Variants in SOX4 observed in about 807,000 individuals in gnomAD.
The protein encoded by SOX4 is transcription factor SOX-4.
For synonymous variants in SOX4, 465 were observed against 348.4 expected, an observed-to-expected ratio of 1.33 and a Z score of -3.73; for missense variants, 662 against 694.9, an observed-to-expected ratio of 0.95 and a Z score of 0.53.
Position 21,593,936 on chromosome 6 carries a change from T to TA in SOX4, c.-599_-598insA, listed in dbSNP as rs1763078569. The TA allele has an allele frequency of 6.6e-6, 1 of 151,904 alleles. No individual in the cohort carries two copies. The highest frequency in any genetic ancestry group is 6.6e-5 in the Admixed American group (1 of 15,256). The allele number at this position is 151,904 out of a possible 1,614,324, so 9.4% of individuals were successfully genotyped here. A position where few individuals can be genotyped will look rare whatever the true frequency, so the allele number is the denominator to read the frequency against. ...ATGCCAGTCTGTTGCATGCAGGCTT[T>TA]TTGGCTTCCTACCTTGCAACAAAAT... is the stretch of plus-strand genomic sequence containing the variant. On this transcript the variant is annotated 5_prime_UTR_variant, in exon 1 of 1. An upstream open reading frame in the 5' UTR gains an earlier in-frame stop. Transcript: ENST00000244745.
Position 21,594,350 on chromosome 6 carries a change from T to G in SOX4, c.-185T>G. On this transcript the variant is annotated 5_prime_UTR_variant, in exon 1 of 1. Transcript: ENST00000244745. ...AGAGGCGGAGAACTCCTTCCCCAAA[T>G]CTTTTGGGGACTTTTCTCTCTTTAC... 1.6e-6 allele frequency: 1 copy of G among 617,760 alleles called. No homozygotes were observed. Among genetic ancestry groups the G allele is most frequent in the Non-Finnish European group, 2.4e-6 (1 of 420,464 alleles). 38.3% of individuals were successfully genotyped at this position (617,760 alleles called of 1,614,324 possible).
Position 21,598,165 on chromosome 6 carries a change from T to A in SOX4, c.*2206T>A, listed in dbSNP as rs1466931749. On this transcript the variant is annotated 3_prime_UTR_variant, in exon 1 of 1. Coordinates refer to ENST00000244745, the MANE Select transcript of SOX4 (RefSeq NM_003107.3). ...TGCGTTTTTCATTCTTGTATTTGAC[T>A]ATTTAATCCTTTCTACTTGTCGCTA... 1 of 166,924 alleles carries A rather than the reference T, an allele frequency of 6.0e-6. No homozygotes were observed. The highest frequency in any genetic ancestry group is 1.5e-5 in the Non-Finnish European group (1 of 68,120). The allele number at this position is 166,924 out of a possible 1,614,324, so 10.3% of individuals were successfully genotyped here.
chr6:21,595,982 G>C lies in SOX4; in HGVS notation c.*23G>C. On this transcript the variant is annotated 3_prime_UTR_variant, in exon 1 of 1. Transcript: ENST00000244745. ...TGAAGGGCGCGCAGGCAGGGAGAAG[G>C]GCCGGGGGGGGTAGGAGAGGAGAAA... 8 of 1,494,010 alleles carry C rather than the reference G, an allele frequency of 5.4e-6. No homozygotes were observed. Among genetic ancestry groups the C allele is most frequent in the Non-Finnish European group, 7.1e-6 (8 of 1,119,054 alleles). 92.5% of individuals were successfully genotyped at this position (1,494,010 alleles called of 1,614,324 possible).
chr6:21,595,373 C>T lies in SOX4; in HGVS notation c.839C>T (p.Ala280Val), dbSNP rs761962126. The T allele has an allele frequency of 6.5e-7, 1 of 1,534,840 alleles. No individual in the cohort carries two copies. The highest frequency in any genetic ancestry group is 1.2e-5 in the South Asian group (1 of 84,990). Residue 280 changes from alanine to valine, a missense_variant, in exon 1 of 1, where the codon GCG becomes GTG. By Grantham distance (64) the Ala-to-Val change is moderately conservative. Transcript: ENST00000244745. ...SASSAASASAALAAPGKHLAE... is the reference protein window; with the variant it reads ...SASSAASASAVLAAPGKHLAE... ...TCCTCGGCAGCCTCGGCCTCCGCAG[C>T]GCTCGCGGCCCCGGGCAAGCACCTG...
In SOX4 at chr6:21,594,526, G is replaced by GC; in HGVS notation, c.-7dup. The GC allele has an allele frequency of 6.6e-7, 1 of 1,524,066 alleles. No homozygotes were observed. The highest frequency in any genetic ancestry group is 8.7e-7 in the Non-Finnish European group (1 of 1,143,712). The allele number at this position is 1,524,066 out of a possible 1,614,324, so 94.4% of individuals were successfully genotyped here. A position where few individuals can be genotyped will look rare whatever the true frequency, so the allele number is the denominator to read the frequency against. ...GTGAGCGCGCGTGGGCGCCCGCCGA[G>GC]CCGAGGCCATGGTGCAGCAAACCAA... On this transcript the variant is annotated 5_prime_UTR_variant, in exon 1 of 1. Coordinates refer to ENST00000244745, the MANE Select transcript of SOX4 (RefSeq NM_003107.3).
In SOX4 at chr6:21,595,058, G is replaced by C. The variant is rs1763106523; in HGVS notation, c.524G>C (p.Ser175Thr). 2.1e-6 allele frequency: 3 copies of C among 1,426,270 alleles called. No homozygotes were observed. The highest frequency in any genetic ancestry group is 2.7e-6 in the Non-Finnish European group (3 of 1,095,806). The allele number at this position is 1,426,270 out of a possible 1,614,324, so 88.4% of individuals were successfully genotyped here. A position where few individuals can be genotyped will look rare whatever the true frequency, so the allele number is the denominator to read the frequency against. The change falls in exon 1 of 1, where the codon AGC becomes ACC. Residue 175 changes from serine (S) to threonine (T), a missense_variant. Physicochemically the swap from Ser to Thr is moderately conservative, Grantham distance 58 (BLOSUM62 1). Transcript: ENST00000244745. ...GHGGGGGGGS[S>T]NAGGGGGGAS... ...GGGGGCGGCGGCGGCGGCGGGAGCA[G>C]CAACGCGGGGGGAGGAGGCGGCGGT...
rs1360526109 is a variant in SOX4 at position 21,595,783 on chromosome 6, A to C, written c.1249A>C (p.Met417Leu). 10 of 1,613,476 alleles carry C rather than the reference A, an allele frequency of 6.2e-6. No individual in the cohort carries two copies. The South Asian group carries it at 9.9e-5, about 16-fold the overall frequency. The change falls in exon 1 of 1, where the codon ATG (methionine) becomes CTG (leucine). Residue 417 changes from methionine to leucine, a missense_variant. Coordinates refer to ENST00000244745, the MANE Select transcript of SOX4 (RefSeq NM_003107.3). The stretch of plus-strand genomic sequence containing the variant: ...GAACCCCAGCTCAAACTTTGAGAGC[A>C]TGTCCCTGGGCAGCTTCAGTTCGTC... ...DLNPSSNFES[M>L]SLGSFSSSSA...
chr6:21,596,240 ATTG>A lies in SOX4; in HGVS notation c.*287_*289del, dbSNP rs1241738977. On this transcript the variant is annotated 3_prime_UTR_variant, in exon 1 of 1. Coordinates refer to ENST00000244745, the MANE Select transcript of SOX4 (RefSeq NM_003107.3). ...AGAGGGTAGACAGGGGCGACCTGTG[ATTG>A]TTGTTATTGATGTTGTTGTTGATGG... The A allele has an allele frequency of 3.1e-5, 6 of 196,228 alleles. No individual in the cohort carries two copies. The highest frequency in any genetic ancestry group is 9.8e-5 in the African/African-American group (4 of 40,726). 12.2% of individuals were successfully genotyped at this position (196,228 alleles called of 1,614,324 possible).
Position 21,596,813 on chromosome 6 carries a change from T to TG in SOX4, c.*858dup, listed in dbSNP as rs1763175070. ...GTCAAACTGAAATGGATTTGCACGT[T>TG]GGGGAGCTGGCGGCGGCGGCTGCTG... On this transcript the variant is annotated 3_prime_UTR_variant, in exon 1 of 1. Transcript: ENST00000244745. 6.0e-6 allele frequency: 1 copy of TG among 166,920 alleles called. No individual in the cohort carries two copies. Among genetic ancestry groups the TG allele is most frequent in the Non-Finnish European group, 1.5e-5 (1 of 68,156 alleles). The allele number at this position is 166,920 out of a possible 1,614,324, so 10.3% of individuals were successfully genotyped here. A position where few individuals can be genotyped will look rare whatever the true frequency, so the allele number is the denominator to read the frequency against.
Position 21,597,207 on chromosome 6 carries a change from ATTC to A in SOX4, c.*1251_*1253del, listed in dbSNP as rs1763186534. 4.2e-5 allele frequency: 7 copies of A among 166,902 alleles called. No individual in the cohort carries two copies. In the South Asian group the frequency reaches 1.4e-3, roughly 35 times the overall value. 10.3% of individuals were successfully genotyped at this position (166,902 alleles called of 1,614,324 possible). On this transcript the variant is annotated 3_prime_UTR_variant, in exon 1 of 1. Coordinates refer to ENST00000244745, the MANE Select transcript of SOX4 (RefSeq NM_003107.3). ...ACGAAATTATCACCAGCTTTTTTTC[ATTC>A]TTAACTCTTTAAAGGATTCAAACGC...
Position 21,596,253 on chromosome 6 carries a change from A to T in SOX4, c.*294A>T. 5.5e-6 allele frequency: 1 copy of T among 181,580 alleles called. No homozygotes were observed. The allele number at this position is 181,580 out of a possible 1,614,324, so 11.2% of individuals were successfully genotyped here. On this transcript the variant is annotated 3_prime_UTR_variant, in exon 1 of 1. Transcript: ENST00000244745. The stretch of plus-strand genomic sequence containing the variant: ...GGGCGACCTGTGATTGTTGTTATTG[A>T]TGTTGTTGTTGATGGCAAAAAAAAA...
At position 21,597,601 on chromosome 6, in the gene SOX4, C is replaced by T. The variant is rs1352605629; in HGVS notation, c.*1642C>T. On this transcript the variant is annotated 3_prime_UTR_variant, in exon 1 of 1. Coordinates refer to ENST00000244745, the MANE Select transcript of SOX4 (RefSeq NM_003107.3). Reference sequence around the variant, plus strand: ...CTTCACTGAAGGGCTAGAGTTTTAACTTTTAATTTTTTATATTTAAATGTA... The same window carrying T: ...CTTCACTGAAGGGCTAGAGTTTTAATTTTTAATTTTTTATATTTAAATGTA... 1 of 124,224 alleles carries T rather than the reference C, an allele frequency of 8.0e-6. No individual in the cohort carries two copies. Among genetic ancestry groups the T allele is most frequent in the African/African-American group, 3.6e-5 (1 of 27,992 alleles). The allele number at this position is 124,224 out of a possible 1,614,324, so 7.7% of individuals were successfully genotyped here. A position where few individuals can be genotyped will look rare whatever the true frequency, so the allele number is the denominator to read the frequency against.
rs1208895108 is a variant in SOX4, at chr6:21,598,354, G to T, written c.*2395G>T. 6.0e-6 allele frequency: 1 copy of T among 167,110 alleles called. No individual in the cohort carries two copies. The highest frequency in any genetic ancestry group is 1.5e-5 in the Non-Finnish European group (1 of 68,124). The allele number at this position is 167,110 out of a possible 1,614,324, so 10.4% of individuals were successfully genotyped here. A position where few individuals can be genotyped will look rare whatever the true frequency, so the allele number is the denominator to read the frequency against. ...TATGTATGTTTAATATAACATGACA[G>T]GCACTAGGACGTCTGCCTTTTTAAG... On this transcript the variant is annotated 3_prime_UTR_variant, in exon 1 of 1. Transcript: ENST00000244745.
In SOX4 at chr6:21,596,636, GC is replaced by G. The variant is rs1763168516; in HGVS notation, c.*682del. On this transcript the variant is annotated 3_prime_UTR_variant, in exon 1 of 1. Coordinates refer to ENST00000244745, the MANE Select transcript of SOX4 (RefSeq NM_003107.3). Reference sequence around the variant, plus strand: ...TTTTTTTCCTCCCTCTTTTCCCCTTGCCCCCTCTGCAGCCGGAGGAGGAGAT... The same window carrying G: ...TTTTTTTCCTCCCTCTTTTCCCCTTGCCCCTCTGCAGCCGGAGGAGGAGAT... 1 of 167,106 alleles carries G rather than the reference GC, an allele frequency of 6.0e-6. No individual in the cohort carries two copies. The highest frequency in any genetic ancestry group is 2.1e-4 in the South Asian group (1 of 4,820). 10.4% of individuals were successfully genotyped at this position (167,106 alleles called of 1,614,324 possible).
At position 21,594,654 on chromosome 6, in the gene SOX4, C is replaced by T. The variant is rs1240456183; in HGVS notation, c.120C>T (p.Ala40=). The T allele has an allele frequency of 4.4e-6, 7 of 1,602,836 alleles. No individual in the cohort carries two copies. In the East Asian group the frequency reaches 1.6e-4, roughly 36 times the overall value. The part of the protein sequence containing the change: ...IASSPTPGST[A]STGGKADDPS... ...CCTCCCCCACGCCCGGCTCCACCGC[C>T]TCCACGGGCGGCAAGGCCGACGACC... Residue 40 remains alanine (A), a synonymous_variant, in exon 1 of 1, where the codon GCC becomes GCT. Coordinates refer to ENST00000244745, the MANE Select transcript of SOX4 (RefSeq NM_003107.3).
Position 21,594,575 on chromosome 6 carries a change from T to C in SOX4, c.41T>C (p.Leu14Pro). 1 of 1,608,734 alleles carries C rather than the reference T, an allele frequency of 6.2e-7. No individual in the cohort carries two copies. Among genetic ancestry groups the C allele is most frequent in the Non-Finnish European group, 8.5e-7 (1 of 1,178,710 alleles). The change falls in exon 1 of 1, where the codon CTG becomes CCG. Residue 14 changes from leucine (L) to proline (P), a missense_variant. Leu to Pro is a moderately conservative substitution (Grantham distance 98). Transcript: ENST00000244745. ...QTNNAENTEA[L>P]LAGESSDSGA... ...AACAATGCCGAGAACACGGAAGCGC[T>C]GCTGGCCGGCGAGAGCTCGGACTCG... is the stretch of plus-strand genomic sequence containing the variant.
Position 21,596,253 on chromosome 6 carries a change from ATGT to A in SOX4, c.*303_*305del, listed in dbSNP as rs975740716. On this transcript the variant is annotated 3_prime_UTR_variant, in exon 1 of 1. Transcript: ENST00000244745. ...GGGCGACCTGTGATTGTTGTTATTG[ATGT>A]TGTTGTTGATGGCAAAAAAAAAAAA... 3.4e-4 allele frequency: 62 copies of A among 181,432 alleles called. 1 individual carries two copies. Among genetic ancestry groups the A allele is most frequent in the East Asian group, 3.0e-4 (2 of 6,636 alleles). The allele number at this position is 181,432 out of a possible 1,614,324, so 11.2% of individuals were successfully genotyped here.
At position 21,594,588 on chromosome 6, in the gene SOX4, G is replaced by A. The variant is rs749349604; in HGVS notation, c.54G>A (p.Glu18=). 2.0e-5 allele frequency: 32 copies of A among 1,609,056 alleles called. No individual in the cohort carries two copies. The highest frequency in any genetic ancestry group is 2.5e-5 in the Non-Finnish European group (29 of 1,178,786). Residue 18 remains glutamate (E), a synonymous_variant, in exon 1 of 1, where the codon GAG becomes GAA. Transcript: ENST00000244745. The stretch of plus-strand genomic sequence containing the variant: ...ACACGGAAGCGCTGCTGGCCGGCGA[G>A]AGCTCGGACTCGGGCGCCGGCCTCG... ...AENTEALLAG[E]SSDSGAGLEL...
Position 21,594,253 on chromosome 6 carries a change from C to T in SOX4, c.-282C>T, listed in dbSNP as rs1763085403. 1 of 341,400 alleles carries T rather than the reference C, an allele frequency of 2.9e-6. No homozygotes were observed. Among genetic ancestry groups the T allele is most frequent in the African/African-American group, 2.1e-5 (1 of 46,836 alleles). 21.1% of individuals were successfully genotyped at this position (341,400 alleles called of 1,614,324 possible). A position where few individuals can be genotyped will look rare whatever the true frequency, so the allele number is the denominator to read the frequency against. On this transcript the variant is annotated 5_prime_UTR_variant, in exon 1 of 1. Transcript: ENST00000244745. ...CCAGACTCAGCCGAGAGACAGCAAA[C>T]TGCAGCGCGGTGAGAGAGCGAGAGA...
Sources: allele counts gnomAD v4.1 joint callset, GRCh38; gene constraint gnomAD v4.1.1; transcripts MANE v1.5; gene names NCBI Gene and HGNC (gene_info 2026-07-23, HGNC 2026-07-21).